Variants in AURKC observed in about 807,000 individuals in gnomAD.
AURKC encodes the protein ARK-3.
A neutral mutation model predicts 29.2 loss-of-function variants in AURKC; 15 were observed. That is an observed-to-expected ratio of 0.51 (90% confidence interval 0.34 to 0.79). The LOEUF (loss-of-function observed/expected upper bound fraction) is 0.79. Ranked by LOEUF, AURKC falls within the 30% of genes least tolerant of loss-of-function variation. The probability of loss-of-function intolerance (pLI) is 0.01; values close to 1 mark genes in which losing one functional copy is unlikely to be tolerated. For missense variants in AURKC, 332 were observed against 383.2 expected (o/e 0.87, Z 1.12); for synonymous variants, 150 against 149.9 (o/e 1.00, Z -0.01).
Position 57,235,003 on chromosome 19 carries a change from G to A in AURKC, c.704G>A (p.Gly235Glu). The A allele has an allele frequency of 6.2e-7, 1 of 1,614,146 alleles. No individual in the cohort carries two copies. The highest frequency in any genetic ancestry group is 8.5e-7 in the Non-Finnish European group (1 of 1,180,028). The change falls in exon 6 of 7, where the codon GGA becomes GAA. Residue 235 changes from glycine (G) to glutamate (E), a missense_variant. Physicochemically the swap from Gly to Glu is moderately conservative, Grantham distance 98 (BLOSUM62 -2). Transcript: ENST00000302804. ...GTGCTCTGCTATGAGCTGCTGGTGG[G>A]ATATCCACCCTTTGAGAGCGCCTCC... ...IGVLCYELLV[G>E]YPPFESASHS...
Position 57,233,548 on chromosome 19 carries a change from G to T in AURKC, c.524G>T (p.Gly175Val). Residue 175 changes from glycine to valine, a missense_variant, in exon 5 of 7, where the codon GGG (glycine) becomes GTG (valine). Physicochemically the swap from Gly to Val is moderately radical, Grantham distance 109 (BLOSUM62 -3). Coordinates refer to ENST00000302804, the MANE Select transcript of AURKC (RefSeq NM_001015878.2). Reference protein sequence around the residue: ...RDIKPENLLLGFRGEVKIADF... With the variant: ...RDIKPENLLLVFRGEVKIADF... ...ATTAAGCCAGAGAACCTGCTGCTGGGGTTCAGGGGTGAGGTGAAGATTGCA... is the reference window on the plus strand; with the variant it reads ...ATTAAGCCAGAGAACCTGCTGCTGGTGTTCAGGGGTGAGGTGAAGATTGCA... 1 of 1,614,158 alleles carries T rather than the reference G, an allele frequency of 6.2e-7. No individual in the cohort carries two copies. Among genetic ancestry groups the T allele is most frequent in the Non-Finnish European group, 8.5e-7 (1 of 1,180,040 alleles).
rs754714440 is a variant in AURKC at position 57,231,262 on chromosome 19, G to C, written c.14G>C (p.Arg5Thr). 7.1e-6 allele frequency: 11 copies of C among 1,552,212 alleles called. No individual in the cohort carries two copies. In the South Asian group the frequency reaches 7.1e-5, roughly 10 times the overall value. ...CCTCTTCTCCCCATGAGCTCCCCCA[G>C]AGCTGTGGTGCAGCTGGGCAAAGCT... MSSP[R>T]AVVQLGKAQP... Residue 5 changes from arginine (R) to threonine (T), a missense_variant, in exon 1 of 7, where the codon AGA becomes ACA. By Grantham distance (71) the Arg-to-Thr change is moderately conservative. Coordinates refer to ENST00000302804, the MANE Select transcript of AURKC (RefSeq NM_001015878.2).
Position 57,232,740 on chromosome 19 carries a change from CTGTT to C in AURKC, c.435+64_435+67del. On this transcript the variant is annotated intron_variant, in intron 4 of 6. Coordinates refer to ENST00000302804, the MANE Select transcript of AURKC (RefSeq NM_001015878.2). The surrounding 1 kb of genome is among the most constrained non-coding windows in gnomAD (Gnocchi z 4.5). ...AGTTTACTGTGGGCTGGTGGGAGCT[CTGTT>C]TGTGGCTGTCAGGAGGGTCCGCATT... The C allele has an allele frequency of 3.1e-6, 5 of 1,608,548 alleles. No individual in the cohort carries two copies. The highest frequency in any genetic ancestry group is 4.2e-6 in the Non-Finnish European group (5 of 1,177,914).
chr19:57,231,675 CTCTT>C, intron 1 of AURKC, 63 bp from the exon 2 acceptor site: 1 of 1,587,076 alleles, frequency 6.3e-7, no homozygotes, highest in East Asian at 2.2e-5. Flanking sequence ...CTCCTCTCCT[CTCTT>C]TCTCTCCCCT....
At position 57,231,254 on chromosome 19, in the gene AURKC, C is replaced by CT. The variant is rs779419217; in HGVS notation, c.7dup (p.Ser3PhefsTer40). On this transcript the variant is annotated frameshift_variant, in exon 1 of 7. Transcript: ENST00000302804. LOFTEE classifies it high-confidence loss of function. ...CGCCCTCACCTCTTCTCCCCATGAG[C>CT]TCCCCCAGAGCTGTGGTGCAGCTGG... 5.1e-5 allele frequency: 79 copies of CT among 1,552,010 alleles called. 3 individuals carry two copies. In the South Asian group the frequency reaches 7.0e-4, roughly 14 times the overall value.
chr19:57,233,563 T>G lies in AURKC; in HGVS notation c.539T>G (p.Val180Gly). The G allele has an allele frequency of 6.2e-7, 1 of 1,613,994 alleles. No homozygotes were observed. Among genetic ancestry groups the G allele is most frequent in the Non-Finnish European group, 8.5e-7 (1 of 1,180,024 alleles). The part of the protein sequence containing the change: ...ENLLLGFRGE[V>G]KIADFGWSVH... ...CTGCTGCTGGGGTTCAGGGGTGAGG[T>G]GAAGATTGCAGATTTTGGCTGGTCT... The change falls in exon 5 of 7, where the codon GTG becomes GGG. Residue 180 changes from valine to glycine, a missense_variant. By Grantham distance (109) the Val-to-Gly change is moderately radical. Coordinates refer to ENST00000302804, the MANE Select transcript of AURKC (RefSeq NM_001015878.2).
At chr19:57,231,599 T>G in intron 1 of AURKC, 143 bp from the exon 2 acceptor site, 4 of 540,690 alleles carry the variant, frequency 7.4e-6, no homozygotes, top group Non-Finnish European at 1.3e-5. Context: ...TGCCTTCCCC[T>G]TCCCTCTCTT....
chr19:57,231,932 G>A (rs892008205), intron 2 of AURKC, 101 bp from the exon 3 acceptor site: 10 of 1,603,378 alleles, frequency 6.2e-6, no homozygotes, highest in South Asian at 1.1e-5. Context: ...AGCGGCAGAG[G>A]AAGGATACAA....
chr19:57,234,812 A>G lies in AURKC; in HGVS notation c.585-72A>G. ...CCTAGGGTCTCCACATCTCAATGAA[A>G]GCTGGGGAAGGAGAATTTCCCTCAT... On this transcript the variant is annotated intron_variant, in intron 5 of 6. Transcript: ENST00000302804. The G allele has an allele frequency of 1.9e-6, 3 of 1,591,384 alleles. No homozygotes were observed. In the South Asian group the frequency reaches 3.3e-5, roughly 18 times the overall value.
At chr19:57,233,173 AG>A (rs1444263753) in intron 4 of AURKC, among the ~76,000 whole-genome samples, 1 of 152,122 alleles carries the variant, frequency 6.6e-6, no homozygotes, top group Admixed American at 6.6e-5. Flanking sequence ...AAGTCCTGTG[AG>A]AGATCATCTG....
rs1399493634 is a variant in AURKC at position 57,232,943 on chromosome 19, A to C, written c.435+263A>C. ...GTTATAAGCAACAGAATCTAACTCC[A>C]CTGCCTTATGTAAAGAAACATATTG... On this transcript the variant is annotated intron_variant, in intron 4 of 6. Transcript: ENST00000302804. This position sits in a 1 kb window ranked among gnomAD's most constrained non-coding sequence, Gnocchi z 4.5. Among the ~76,000 whole-genome samples the C allele has an allele frequency of 6.6e-6, 1 of 152,234 alleles. No homozygotes were observed. Among genetic ancestry groups the C allele is most frequent in the Non-Finnish European group, 1.5e-5 (1 of 68,042 alleles).
chr19:57,231,523 T>A, intron 1 of AURKC: 1 of 713,374 alleles, frequency 1.4e-6, no homozygotes, highest in Admixed American at 2.2e-5. Context: ...CTTCTTCACC[T>A]CCTCCTCCCC....
chr19:57,234,853 A>G, intron 5 of AURKC, 31 bp from the exon 6 acceptor site: 1 of 1,613,702 alleles, frequency 6.2e-7, no homozygotes, highest in Non-Finnish European at 8.5e-7. Flanking sequence ...GCCTCTGCTT[A>G]GTACTTATTC....
chr19:57,231,973 G>T, intron 2 of AURKC, 60 bp from the exon 3 acceptor site: 1 of 1,610,180 alleles, frequency 6.2e-7, no homozygotes, highest in South Asian at 1.1e-5. Context: ...TGGCATCCCT[G>T]ACTTTCCCTC....
intron 5 of AURKC, among the ~76,000 whole-genome samples, chr19:57,233,817 G>A (rs897469088): frequency 6.6e-6 from 1 of 151,034 alleles, no homozygotes; most frequent in African/African-American, 2.4e-5. Flanking sequence ...GCACAATCTC[G>A]GCCTCCCAGG....
chr19:57,231,985 G>A (rs1422015668), intron 2 of AURKC, 48 bp from the exon 3 acceptor site: 7 of 1,612,362 alleles, frequency 4.3e-6, no homozygotes, highest in East Asian at 4.5e-5. Context: ...CTTTCCCTCC[G>A]CCTACCCTAC....
intron 5 of AURKC, 21 bp from the exon 6 acceptor site, chr19:57,234,863 C>G (rs2087530480): frequency 3.1e-6 from 5 of 1,613,948 alleles, no homozygotes; most frequent in Non-Finnish European, 4.2e-6. Flanking sequence ...AGTACTTATT[C>G]CCTTTTCTGC....
Position 57,231,092 on chromosome 19 carries a change from G to C in AURKC, c.-157G>C, listed in dbSNP as rs1599969431. On this transcript the variant is annotated 5_prime_UTR_variant, in exon 1 of 7. Coordinates refer to ENST00000302804, the MANE Select transcript of AURKC (RefSeq NM_001015878.2). ...TGCTCACGACGCCGCGGATCCCGAA[G>C]CCTGTGTAGCAGTGAGACATCAGTG... is the stretch of plus-strand genomic sequence containing the variant. The C allele has an allele frequency of 2.6e-6, 4 of 1,514,782 alleles. No homozygotes were observed. The highest frequency in any genetic ancestry group is 3.6e-6 in the Non-Finnish European group (4 of 1,112,906). 93.8% of individuals were successfully genotyped at this position (1,514,782 alleles called of 1,614,324 possible). A position where few individuals can be genotyped will look rare whatever the true frequency, so the allele number is the denominator to read the frequency against.
chr19:57,235,334 C>G lies in AURKC; in HGVS notation c.847C>G (p.Pro283Ala), dbSNP rs1360082157. The change falls in exon 7 of 7, where the codon CCC becomes GCC. Residue 283 changes from proline (P) to alanine (A), a missense_variant. By Grantham distance (27) the Pro-to-Ala change is conservative (BLOSUM62 -1). Coordinates refer to ENST00000302804, the MANE Select transcript of AURKC (RefSeq NM_001015878.2). ...LLRYQPLERL[P>A]LAQILKHPWV... ...CAGATACCAGCCCTTGGAGAGACTG[C>G]CCCTGGCCCAGATCCTGAAGCACCC... is the stretch of plus-strand genomic sequence containing the variant. 6.2e-7 allele frequency: 1 copy of G among 1,614,160 alleles called. No individual in the cohort carries two copies. Among genetic ancestry groups the G allele is most frequent in the African/African-American group, 1.3e-5 (1 of 75,024 alleles).
Sources: gnomAD v4.1 joint callset for allele counts (sites outside exome capture counted in the v4.1 genomes callset) on GRCh38, gnomAD v4.1.1 for gene constraint, Gnocchi (gnomAD v3.1) non-coding constraint, MANE v1.5 for transcripts, NCBI Gene and HGNC (gene_info 2026-07-23, HGNC 2026-07-21) for gene names.